Variants in FOXJ3 observed in about 807,000 individuals in gnomAD.
The protein encoded by FOXJ3 is forkhead box protein J3.
Under a neutral mutation model 76.1 loss-of-function variants are expected in FOXJ3, and 22 were observed. That is an observed-to-expected ratio of 0.29 (90% confidence interval 0.21 to 0.41). The LOEUF is 0.41. Among genes scored for constraint, FOXJ3 ranks in the 10% least tolerant of loss-of-function variants. FOXJ3 has a pLI of 1.00. For synonymous variants in FOXJ3, 269 were observed against 261.2 expected (o/e 1.03, Z -0.29); for missense variants, 613 against 762.1 (o/e 0.80, Z 2.30).
intron 4 of FOXJ3, among the ~76,000 whole-genome samples, chr1:42,236,029 T>C (rs572987444): frequency 6.6e-6 from 1 of 152,162 alleles, no homozygotes; most frequent in African/African-American, 2.4e-5. Flanking sequence ...TGTTAGACAA[T>C]ATAGAAATCT....
chr1:42,204,993 A>G (rs1646833696), intron 6 of FOXJ3, among the ~76,000 whole-genome samples: 1 of 152,166 alleles, frequency 6.6e-6, no homozygotes, highest in Non-Finnish European at 1.5e-5. Flanking sequence ...AGAGAGGGAG[A>G]GAAAAAAAGA....
chr1:42,230,323 G>A (rs1557656817), intron 4 of FOXJ3, among the ~76,000 whole-genome samples: 1 of 151,970 alleles, frequency 6.6e-6, no homozygotes, highest in Non-Finnish European at 1.5e-5. Context: ...CCACTAGCAT[G>A]TCTATGATCA....
chr1:42,287,789 C>T (rs181743735), intron 2 of FOXJ3, among the ~76,000 whole-genome samples: 428 of 152,096 alleles, frequency 2.8e-3, no homozygotes, highest in Non-Finnish European at 5.3e-3. Flanking sequence ...GGCGAAACCC[C>T]GTCTTTACAA....
intron 4 of FOXJ3, among the ~76,000 whole-genome samples, chr1:42,248,731 T>A: frequency 1.7e-4 from 1 of 6,022 alleles, no homozygotes; most frequent in South Asian, 3.7e-3. Flanking sequence ...CTGTTTTTTC[T>A]TTTTTTTTTT....
intron 5 of FOXJ3, among the ~76,000 whole-genome samples, chr1:42,218,045 C>T (rs1415923459): frequency 1.3e-5 from 2 of 152,158 alleles, no homozygotes; most frequent in African/African-American, 4.8e-5. Context: ...ACATAATGTA[C>T]ACTCAGTAGT....
Position 42,189,396 on chromosome 1 carries a change from T to C in FOXJ3, c.1360A>G (p.Asn454Asp). The C allele has an allele frequency of 3.7e-6, 6 of 1,607,404 alleles. No individual in the cohort carries two copies. The highest frequency in any genetic ancestry group is 4.3e-6 in the Non-Finnish European group (5 of 1,174,116). ...ATATCAAGTGTCGCATACCAATCAT[T>C]TGAAACACCTATAAAATATTGACAA... ...QQVSCNSGVSNDWYATLDMLK... is the reference protein window; with the variant it reads ...QQVSCNSGVSDDWYATLDMLK... Residue 454 changes from asparagine (N) to aspartate (D), a missense_variant, in exon 10 of 13, where the codon AAT becomes GAT. Physicochemically the swap from Asn to Asp is conservative, Grantham distance 23 (BLOSUM62 1). Transcript: ENST00000361346.
intron 1 of FOXJ3, among the ~76,000 whole-genome samples, chr1:42,328,344 TA>T (rs1221660602): frequency 2.6e-5 from 4 of 152,158 alleles, no homozygotes; most frequent in Non-Finnish European, 5.9e-5. Flanking sequence ...TTCAAATTAT[TA>T]GCGTTCAATT....
chr1:42,216,227 A>T (rs1647061638), intron 5 of FOXJ3, among the ~76,000 whole-genome samples: 2 of 152,100 alleles, frequency 1.3e-5, no homozygotes, highest in African/African-American at 2.4e-5. Flanking sequence ...TAAATATAAA[A>T]GACTACTGTT....
upstream of FOXJ3, chr1:42,335,317 TCAAGTCC>T (rs1213134864): frequency 6.6e-6 from 1 of 151,768 alleles, no homozygotes; most frequent in Non-Finnish European, 1.5e-5. Flanking sequence ...GTCAGCGGCG[TCAAGTCC>T]CTGCGCGGTC....
At chr1:42,283,357 G>A (rs1287902290) in intron 2 of FOXJ3, among the ~76,000 whole-genome samples, 1 of 152,062 alleles carries the variant, frequency 6.6e-6, no homozygotes, top group Admixed American at 6.6e-5. Context: ...GTCATAACAC[G>A]GGGGTTTTAA....
chr1:42,209,791 C>T (rs1171174958), intron 5 of FOXJ3, among the ~76,000 whole-genome samples: 1 of 152,152 alleles, frequency 6.6e-6, no homozygotes, highest in African/African-American at 2.4e-5. Context: ...CCAGCTAATT[C>T]AGGCAGAGGT....
At chr1:42,264,404 G>T (rs1651312954) in intron 4 of FOXJ3, among the ~76,000 whole-genome samples, 1 of 152,092 alleles carries the variant, frequency 6.6e-6, no homozygotes, top group Non-Finnish European at 1.5e-5. Flanking sequence ...ATTTTAGAAA[G>T]ATTCTTCCAA....
rs12565898 is a variant in FOXJ3 at position 42,179,666 on chromosome 1, A to C, written c.*44T>G. 6.8e-5 allele frequency: 82 copies of C among 1,214,574 alleles called. No homozygotes were observed. The East Asian group carries it at 1.7e-3, about 26-fold the overall frequency. The allele number at this position is 1,214,574 out of a possible 1,614,324, so 75.2% of individuals were successfully genotyped here. ...TCTCTTAAACCTTTCCCTTCACTGC[A>C]CAGAAAGGTAACGTTAGGGTCTGGT... On this transcript the variant is annotated 3_prime_UTR_variant, in exon 13 of 13. Coordinates refer to ENST00000361346, the MANE Select transcript of FOXJ3 (RefSeq NM_014947.5).
At chr1:42,222,054 GA>G (rs1557649616) in intron 5 of FOXJ3, among the ~76,000 whole-genome samples, 1,664 of 103,262 alleles carry the variant, frequency 0.016, 178 homozygotes, top group Non-Finnish European at 0.023. Flanking sequence ...AGGAGAAGAA[GA>G]AGAAGAAGAA....
At chr1:42,295,433 A>G (rs1454526279) in intron 2 of FOXJ3, among the ~76,000 whole-genome samples, 1 of 151,596 alleles carries the variant, frequency 6.6e-6, no homozygotes, top group East Asian at 1.9e-4. Flanking sequence ...TGTATACTAC[A>G]CTTTATTCAG....
intron 11 of FOXJ3, among the ~76,000 whole-genome samples, chr1:42,183,324 AGG>A (rs1646366225): frequency 5.7e-3 from 1 of 174 alleles, no homozygotes; most frequent in African/African-American, 0.017. Flanking sequence ...AGGGGAGGGG[AGG>A]GGAGGGGAGG....
intron 3 of FOXJ3, among the ~76,000 whole-genome samples, chr1:42,272,471 A>G (rs12048757): frequency 0.45 from 68,052 of 152,164 alleles, 17,520 homozygotes; most frequent in Non-Finnish European, 0.56. Flanking sequence ...CTAGGCACCA[A>G]ATACTTAAAA....
At chr1:42,329,445 C>T (rs947674180) in intron 1 of FOXJ3, among the ~76,000 whole-genome samples, 24 of 152,130 alleles carry the variant, frequency 1.6e-4, no homozygotes, top group African/African-American at 5.1e-4. Flanking sequence ...TGTTATAAAA[C>T]GCCACTGTGG....
At chr1:42,294,762 C>CAAAAAAAAAAAAAAAAAAAAAAAAAAAA (rs5773766) in intron 2 of FOXJ3, among the ~76,000 whole-genome samples, 1 of 105,682 alleles carries the variant, frequency 9.5e-6, no homozygotes, top group African/African-American at 3.8e-5. Context: ...AACTTGGTCT[C>CAAAAAAAAAAAAAAAAAAAAAAAAAAAA]AAAAAAAAAA....
Sources: allele counts gnomAD v4.1 joint callset (sites outside exome capture counted in the v4.1 genomes callset), GRCh38; gene constraint gnomAD v4.1.1; transcripts MANE v1.5; gene names NCBI Gene and HGNC (gene_info 2026-07-23, HGNC 2026-07-21).